SOX5: variants seen among roughly 807,000 people sequenced by gnomAD.
SOX5 encodes the protein transcription factor SOX-5.
Under a neutral mutation model 92.0 loss-of-function variants are expected in SOX5, and 9 were observed. The ratio of observed to expected loss-of-function variants is 0.10; its 90% CI spans 0.06 to 0.17. The LOEUF (loss-of-function observed/expected upper bound fraction) is 0.17. SOX5 is among the 10% of genes least tolerant of loss of function. The pLI, the probability that SOX5 is intolerant of heterozygous loss-of-function variation, is 1.00. For missense variants in SOX5, 642 were observed against 944.5 expected, an observed-to-expected ratio of 0.68 and a Z score of 4.20; for synonymous variants, 344 against 336.3, an observed-to-expected ratio of 1.02 and a Z score of -0.25.
At chr12:23,932,460 TAC>T (rs1427712997) in intron 1 of SOX5, among the ~76,000 whole-genome samples, 1 of 151,676 alleles carries the variant, frequency 6.6e-6, no homozygotes, top group East Asian at 1.9e-4. Context: ...CAAATGTTAT[TAC>T]TGTATTAATG....
At chr12:23,996,736 C>A (rs527630982) in intron 4 of SOX5, among the ~76,000 whole-genome samples, 1 of 152,276 alleles carries the variant, frequency 6.6e-6, no homozygotes, top group South Asian at 2.1e-4. Context: ...TTTACCTGTT[C>A]TGTATGATTC....
intron 6 of SOX5, among the ~76,000 whole-genome samples, chr12:23,674,628 G>A (rs531760777): frequency 4.0e-4 from 60 of 151,628 alleles, no homozygotes; most frequent in African/African-American, 1.4e-3. Flanking sequence ...ATGAGCCACC[G>A]CACCCAGCCA....
At chr12:24,178,246 T>A (rs977663766) in intron 4 of SOX5, among the ~76,000 whole-genome samples, 5 of 12,576 alleles carry the variant, frequency 4.0e-4, no homozygotes, top group African/African-American at 1.8e-3. Context: ...GAGCTTGACT[T>A]TTTTTTTTTT....
chr12:24,529,414 T>C (rs1391480880), intron 1 of SOX5, among the ~76,000 whole-genome samples: 1 of 152,232 alleles, frequency 6.6e-6, no homozygotes, highest in African/African-American at 2.4e-5. Context: ...CTTTGTAGCA[T>C]GTTATCAAAA....
intron 3 of SOX5, among the ~76,000 whole-genome samples, chr12:23,814,078 A>T (rs574752243): frequency 6.6e-6 from 1 of 152,278 alleles, no homozygotes; most frequent in South Asian, 2.1e-4. Flanking sequence ...TTATTTATAG[A>T]TGTATTTTGG....
chr12:23,752,092 A>C (rs1246787339), intron 4 of SOX5, among the ~76,000 whole-genome samples: 1 of 151,542 alleles, frequency 6.6e-6, no homozygotes, highest in Non-Finnish European at 1.5e-5. Context: ...GAGGGGAAAC[A>C]AACCAGGCTC....
intron 4 of SOX5, among the ~76,000 whole-genome samples, chr12:23,978,980 T>C (rs1017602368): frequency 6.6e-6 from 1 of 152,194 alleles, no homozygotes; most frequent in African/African-American, 2.4e-5. Flanking sequence ...TTAAATATTA[T>C]ACTTAAATGA....
At chr12:23,991,343 A>AC (rs1167787817) in intron 4 of SOX5, among the ~76,000 whole-genome samples, 45 of 150,994 alleles carry the variant, frequency 3.0e-4, no homozygotes, top group African/African-American at 4.9e-4. Context: ...AACAACAACA[A>AC]AAAAAATATA....
chr12:23,859,727 C>A (rs2136365202), intron 2 of SOX5, among the ~76,000 whole-genome samples: 1 of 152,250 alleles, frequency 6.6e-6, no homozygotes, highest in East Asian at 1.9e-4. Context: ...ACGGAATCTG[C>A]TGATATGTGA....
At chr12:23,542,842 T>C (rs1299353814) in intron 13 of SOX5, among the ~76,000 whole-genome samples, 1 of 152,190 alleles carries the variant, frequency 6.6e-6, no homozygotes, top group Non-Finnish European at 1.5e-5. Flanking sequence ...GGCCTTAAGA[T>C]TAACAGTAAG....
chr12:24,180,572 T>G (rs1322744019), intron 4 of SOX5, among the ~76,000 whole-genome samples: 2 of 152,196 alleles, frequency 1.3e-5, no homozygotes, highest in East Asian at 1.9e-4. Flanking sequence ...CAATGGGGTA[T>G]GCAGTGCCCC....
intron 8 of SOX5, among the ~76,000 whole-genome samples, chr12:23,636,169 T>C (rs531692157): frequency 6.6e-6 from 1 of 152,292 alleles, no homozygotes; most frequent in South Asian, 2.1e-4. Context: ...AGATTTAATA[T>C]TAAAATAATA....
chr12:23,537,716 C>CATTT (rs1365650586), intron 13 of SOX5, among the ~76,000 whole-genome samples: 4 of 151,592 alleles, frequency 2.6e-5, no homozygotes, highest in African/African-American at 7.3e-5. Context: ...TGCTAATTCA[C>CATTT]ATTTTAGATA....
intron 10 of SOX5, among the ~76,000 whole-genome samples, chr12:23,567,012 G>A (rs1002704011): frequency 1.3e-5 from 2 of 152,172 alleles, no homozygotes; most frequent in African/African-American, 4.8e-5. Flanking sequence ...ATCTGCAGAG[G>A]CAGGAAAAGA....
At chr12:23,916,193 A>C (rs2138620091) in intron 1 of SOX5, among the ~76,000 whole-genome samples, 1 of 152,324 alleles carries the variant, frequency 6.6e-6, no homozygotes, top group East Asian at 1.9e-4. Flanking sequence ...ATCATCAATA[A>C]TTTTGGCCAT....
intron 1 of SOX5, among the ~76,000 whole-genome samples, chr12:24,418,198 A>G (rs1225220357): frequency 6.6e-6 from 1 of 152,182 alleles, no homozygotes; most frequent in Non-Finnish European, 1.5e-5. Flanking sequence ...GACATAGTGT[A>G]ATAGATAATA....
chr12:23,656,706 A>G (rs1002200401), intron 7 of SOX5, among the ~76,000 whole-genome samples: 15 of 152,012 alleles, frequency 9.9e-5, no homozygotes, highest in African/African-American at 3.6e-4. Context: ...GTATCATATT[A>G]TGCATATTAC....
At chr12:23,718,932 A>T (rs1047220133) in intron 6 of SOX5, among the ~76,000 whole-genome samples, 1 of 152,184 alleles carries the variant, frequency 6.6e-6, no homozygotes, top group African/African-American at 2.4e-5. Context: ...AATTCTAGGG[A>T]TTTGATCAGA....
At chr12:24,355,283 T>A (rs370195296) in intron 2 of SOX5, among the ~76,000 whole-genome samples, 1,246 of 11,260 alleles carry the variant, frequency 0.11, 4 homozygotes, top group Admixed American at 0.19. Flanking sequence ...GGGGTGCATC[T>A]TTTTTTTTTT....
Sources: allele counts gnomAD v4.1 joint callset (sites outside exome capture counted in the v4.1 genomes callset), GRCh38; gene constraint gnomAD v4.1.1; transcripts MANE v1.5; gene names NCBI Gene and HGNC (gene_info 2026-07-23, HGNC 2026-07-21).